The following ODF2 variants were observed in gnomAD, a reference collection of about 807,000 sequenced individuals.
ODF2 encodes outer dense fiber protein 2.
Under a neutral mutation model 110.2 loss-of-function variants are expected in ODF2, and 47 were observed. The ratio of observed to expected loss-of-function variants is 0.43; its 90% CI spans 0.34 to 0.54. The LOEUF is 0.54. Among genes scored for constraint, ODF2 ranks in the 20% least tolerant of loss-of-function variants. The pLI is 0.03. For synonymous variants in ODF2, 352 were observed against 397.7 expected (o/e 0.89, Z 1.37); for missense variants, 812 against 1,054.5 (o/e 0.77, Z 3.19).
intron 4 of ODF2, chr9:128,468,979 T>G (rs1588792796): frequency 3.7e-6 from 2 of 541,752 alleles, no homozygotes; most frequent in African/African-American, 3.9e-5. Flanking sequence ...CTTTTAATTT[T>G]GATGTTGGGA....
chr9:128,459,726 TAGG>T, intron 3 of ODF2, 69 bp downstream of exon 2: 1 of 1,213,260 alleles, frequency 8.2e-7, no homozygotes, highest in African/African-American at 1.5e-5. Flanking sequence ...ACACCGTTTC[TAGG>T]AGGTGCCTTA....
chr9:128,496,033 C>T lies in ODF2; in HGVS notation c.1912-8C>T. Reference sequence around the variant, plus strand: ...TTTGTAAACCAGTCTGTGTTCCTGTCATTTTAGATCGAACACCAGGGGGAC... The same window carrying T: ...TTTGTAAACCAGTCTGTGTTCCTGTTATTTTAGATCGAACACCAGGGGGAC... On this transcript the variant is annotated splice_polypyrimidine_tract_variant and splice_region_variant and intron_variant, in intron 17 of 20. Transcript: ENST00000604420. The T allele has an allele frequency of 1.2e-6, 2 of 1,613,678 alleles. No homozygotes were observed. The highest frequency in any genetic ancestry group is 1.7e-6 in the Non-Finnish European group (2 of 1,179,916).
chr9:128,495,881 G>A (rs1442868248), intron 17 of ODF2, among the ~76,000 whole-genome samples, 160 bp from the exon 18 acceptor site: 1 of 152,124 alleles, frequency 6.6e-6, no homozygotes, highest in Non-Finnish European at 1.5e-5. Context: ...GGCCTAACCT[G>A]TCCCTGCTGT....
At chr9:128,490,349 C>T (rs770868031) in intron 14 of ODF2, among the ~76,000 whole-genome samples, 9 of 151,644 alleles carry the variant, frequency 5.9e-5, no homozygotes, top group Non-Finnish European at 1.2e-4. Context: ...GTGGCATGAT[C>T]TCAGCTCACT....
rs1840550925 is a variant in ODF2, at chr9:128,473,534, G to C, written c.712-76G>C. The C allele has an allele frequency of 2.5e-6, 4 of 1,582,174 alleles. No homozygotes were observed. The South Asian group carries it at 4.6e-5, about 18-fold the overall frequency. ...TCCTTGTCTGGGCTTTCTGGCACCA[G>C]ACCTCTTGAGTGCCCATGGGGCCTG... On this transcript the variant is annotated intron_variant, in intron 7 of 20. Coordinates refer to ENST00000604420, the Ensembl canonical transcript of ODF2.
chr9:128,461,023 C>A, exon 4 of ODF2: 1 of 1,614,124 alleles, frequency 6.2e-7, no homozygotes, highest in Non-Finnish European at 8.5e-7. Flanking sequence ...ACCTTGGATG[C>A]CCCCTGGAAA....
chr9:128,460,686 G>A lies in ODF2; in HGVS notation c.124-256G>A. 6.2e-7 allele frequency: 1 copy of A among 1,613,700 alleles called. No homozygotes were observed. Among genetic ancestry groups the A allele is most frequent in the Non-Finnish European group, 8.5e-7 (1 of 1,179,822 alleles). ...AGCCAGGTAGGAGCATGCCAGTGGG[G>A]CGAGGTAGTAGCTGTGGATCTGGGT... On this transcript the variant is annotated intron_variant, in intron 3 of 20. Coordinates refer to ENST00000604420, the Ensembl canonical transcript of ODF2.
At position 128,492,941 on chromosome 9, in the gene ODF2, G is replaced by A. The variant is rs531641735; in HGVS notation, c.1752+136G>A. ...AGGTGAGCTCATTTTCTCATTGGTG[G>A]GCTCATCCACTCTACCCTGTGCCTC... On this transcript the variant is annotated intron_variant, in intron 16 of 20. Transcript: ENST00000604420. The A allele has an allele frequency of 9.6e-4, 648 of 676,532 alleles. 5 individuals carry two copies. Among genetic ancestry groups the A allele is most frequent in the South Asian group, 8.2e-3 (454 of 55,240 alleles). 41.9% of individuals were successfully genotyped at this position (676,532 alleles called of 1,614,324 possible). A position where few individuals can be genotyped will look rare whatever the true frequency, so the allele number is the denominator to read the frequency against.
intron 1 of ODF2, chr9:128,456,661 C>T: frequency 6.8e-7 from 1 of 1,472,202 alleles, no homozygotes; most frequent in Non-Finnish European, 9.0e-7. Flanking sequence ...CCGCCTCGTC[C>T]TCTCCTCGGG....
chr9:128,490,673 T>C (rs1438252316), intron 14 of ODF2, among the ~76,000 whole-genome samples: 2 of 152,206 alleles, frequency 1.3e-5, no homozygotes, highest in African/African-American at 4.8e-5. Context: ...AGATCTTCGC[T>C]AGCCATGAAC....
exon 5 of ODF2, chr9:128,469,346 A>C: frequency 6.2e-7 from 1 of 1,614,074 alleles, no homozygotes; most frequent in Non-Finnish European, 8.5e-7. Context: ...GGTTGTCTGA[A>C]GTCTGAGGTG....
chr9:128,472,780 A>G, intron 6 of ODF2, 133 bp from the exon 7 acceptor site: 1 of 1,386,036 alleles, frequency 7.2e-7, no homozygotes, highest in East Asian at 2.4e-5. Context: ...CCAGGCCAGA[A>G]GGGCTGTCCC....
intron 13 of ODF2, among the ~76,000 whole-genome samples, chr9:128,486,814 C>G (rs531456024): frequency 1.3e-5 from 2 of 152,322 alleles, no homozygotes; most frequent in South Asian, 4.1e-4. Context: ...AATCATGGCA[C>G]CAGCCCCCTG....
At chr9:128,461,009 A>G in exon 4 of ODF2, 2 of 1,614,178 alleles carry the variant, frequency 1.2e-6, no homozygotes, top group Non-Finnish European at 1.7e-6. Flanking sequence ...GTGAAAACCA[A>G]GGTACCTTGG....
chr9:128,480,947 C>G (rs1842284022), intron 8 of ODF2, among the ~76,000 whole-genome samples: 1 of 152,076 alleles, frequency 6.6e-6, no homozygotes, highest in Non-Finnish European at 1.5e-5. Context: ...CAGCAAAATG[C>G]TGTTTCATTA....
At chr9:128,479,701 G>GA (rs1304821378) in intron 8 of ODF2, among the ~76,000 whole-genome samples, 1 of 152,150 alleles carries the variant, frequency 6.6e-6, no homozygotes, top group Non-Finnish European at 1.5e-5. Flanking sequence ...CAAAACATGG[G>GA]AACAGCCTCA....
At chr9:128,468,797 C>T (rs1214419011) in intron 4 of ODF2, among the ~76,000 whole-genome samples, 1 of 152,180 alleles carries the variant, frequency 6.6e-6, no homozygotes, top group Admixed American at 6.6e-5. Flanking sequence ...GCTGGGATTG[C>T]AGATGTGAGC....
At position 128,494,922 on chromosome 9, in the gene ODF2, C is replaced by T. The variant is rs1845325584; in HGVS notation, c.1911+254C>T. The T allele has an allele frequency of 3.3e-6, 4 of 1,204,204 alleles. No individual in the cohort carries two copies. Among genetic ancestry groups the T allele is most frequent in the Non-Finnish European group, 3.4e-6 (3 of 888,558 alleles). 74.6% of individuals were successfully genotyped at this position (1,204,204 alleles called of 1,614,324 possible). A position where few individuals can be genotyped will look rare whatever the true frequency, so the allele number is the denominator to read the frequency against. On this transcript the variant is annotated intron_variant, in intron 17 of 20. Transcript: ENST00000604420. This position sits in a 1 kb window ranked among gnomAD's most constrained non-coding sequence, Gnocchi z 4.6. Reference sequence around the variant, plus strand: ...GGGCCCTCCTGCTGTTGCCCCCACCCAAGACTGCTGCCTCTGCCTGTGTGC... The same window carrying T: ...GGGCCCTCCTGCTGTTGCCCCCACCTAAGACTGCTGCCTCTGCCTGTGTGC...
intron 5 of ODF2, 128 bp from the exon 6 acceptor site, chr9:128,471,180 C>T: frequency 1.1e-6 from 1 of 915,146 alleles, no homozygotes; most frequent in Non-Finnish European, 1.6e-6. Flanking sequence ...TCCCAAAGTG[C>T]TGGGATTACA....
Sources: allele counts gnomAD v4.1 joint callset (sites outside exome capture counted in the v4.1 genomes callset), GRCh38; gene constraint gnomAD v4.1.1; non-coding constraint Gnocchi (gnomAD v3.1); transcripts MANE v1.5; gene names NCBI Gene and HGNC (gene_info 2026-07-23, HGNC 2026-07-21).